CORO1C: variants seen among roughly 807,000 people sequenced by gnomAD.
CORO1C encodes coronin 1C.
Under a neutral mutation model 51.2 loss-of-function variants are expected in CORO1C, and 14 were observed. The ratio of observed to expected loss-of-function variants is 0.27; its 90% CI spans 0.18 to 0.43. The LOEUF is 0.43. CORO1C is among the 20% of genes least tolerant of loss of function. The pLI is 1.00. For synonymous variants in CORO1C, 181 were observed against 210.5 expected (o/e 0.86, Z 1.21); for missense variants, 417 against 607.8 (o/e 0.69, Z 3.30).
intron 3 of CORO1C, among the ~76,000 whole-genome samples, chr12:108,665,227 T>C (rs2033428724): frequency 6.6e-6 from 1 of 152,232 alleles, no homozygotes; most frequent in South Asian, 2.1e-4. Context: ...CATCTTTTCC[T>C]GGATTAAAAG....
rs1383556418 is a variant in CORO1C, at chr12:108,645,801, C to T, written c.*1602G>A. 6.6e-6 allele frequency: 1 copy of T among 152,312 alleles called. No homozygotes were observed. Among genetic ancestry groups the T allele is most frequent in the African/African-American group, 2.4e-5 (1 of 41,440 alleles). 9.4% of individuals were successfully genotyped at this position (152,312 alleles called of 1,614,324 possible). ...ACCAGCACGAGCATGTGCAAGAATT[C>T]CCTTCGTGGTCCCAATGGCACTACA... On this transcript the variant is annotated 3_prime_UTR_variant, in exon 11 of 11. Coordinates refer to ENST00000261401, the MANE Select transcript of CORO1C (RefSeq NM_014325.4).
intron 1 of CORO1C, among the ~76,000 whole-genome samples, chr12:108,722,005 C>T (rs1443926156): frequency 6.6e-6 from 1 of 152,134 alleles, no homozygotes; most frequent in African/African-American, 2.4e-5. Flanking sequence ...CTAAAGCAGG[C>T]ATGGTTTCTT....
At chr12:108,710,816 C>A (rs2035159192) in intron 1 of CORO1C, among the ~76,000 whole-genome samples, 1 of 152,136 alleles carries the variant, frequency 6.6e-6, no homozygotes, top group Non-Finnish European at 1.5e-5. Context: ...CCTGCCTCAG[C>A]CTTCCAAAAT....
At chr12:108,676,813 T>C (rs2033925131) in intron 3 of CORO1C, among the ~76,000 whole-genome samples, 2 of 151,698 alleles carry the variant, frequency 1.3e-5, no homozygotes, top group African/African-American at 4.8e-5. Flanking sequence ...CTAAACGATA[T>C]TCCTTTCTCT....
chr12:108,708,752 G>A (rs969615015), intron 1 of CORO1C, among the ~76,000 whole-genome samples: 5 of 151,980 alleles, frequency 3.3e-5, no homozygotes, highest in African/African-American at 1.2e-4. Context: ...GTGAGCCACC[G>A]TGCTCGGTCT....
intron 7 of CORO1C, 72 bp downstream of exon 7, chr12:108,654,234 T>C: frequency 1.1e-6 from 1 of 952,042 alleles, no homozygotes; most frequent in Non-Finnish European, 1.7e-6. Flanking sequence ...ACATTGCCCG[T>C]CCTCTAAATC....
chr12:108,687,621 C>T (rs1051798158), intron 2 of CORO1C, among the ~76,000 whole-genome samples: 4 of 151,824 alleles, frequency 2.6e-5, no homozygotes, highest in African/African-American at 7.3e-5. Flanking sequence ...TCCATCTTTA[C>T]GAAAATTACA....
intron 1 of CORO1C, chr12:108,702,880 T>C (rs750891789): frequency 7.2e-6 from 11 of 1,535,768 alleles, no homozygotes; most frequent in African/African-American, 4.1e-5. Flanking sequence ...TGGCAGGCAA[T>C]TGAGCATCCA....
At chr12:108,713,354 T>C (rs746265404) in intron 1 of CORO1C, among the ~76,000 whole-genome samples, 5 of 152,310 alleles carry the variant, frequency 3.3e-5, no homozygotes, top group Non-Finnish European at 5.9e-5. Flanking sequence ...CAATTGATTA[T>C]AACACCAGGA....
At chr12:108,702,957 C>G (rs1038259785) in intron 1 of CORO1C, 12 of 1,524,764 alleles carry the variant, frequency 7.9e-6, no homozygotes, top group South Asian at 1.2e-5. Context: ...CATTTTGAGT[C>G]TTTGGTAGAG....
At chr12:108,678,517 C>A (rs1429963459) in intron 2 of CORO1C, 123 bp from the exon 3 acceptor site, 1 of 744,760 alleles carries the variant, frequency 1.3e-6, no homozygotes, top group East Asian at 2.9e-5. Flanking sequence ...GATATGACAT[C>A]GTATAGTCAA....
intron 2 of CORO1C, among the ~76,000 whole-genome samples, chr12:108,681,687 C>T (rs1007499411): frequency 1.3e-5 from 2 of 152,088 alleles, no homozygotes; most frequent in Admixed American, 1.3e-4. Flanking sequence ...CATGGGTAAA[C>T]CCTTGTTCAA....
intron 10 of CORO1C, among the ~76,000 whole-genome samples, chr12:108,647,772 G>A (rs1437647632): frequency 1.3e-5 from 2 of 152,158 alleles, no homozygotes; most frequent in African/African-American, 2.4e-5. Context: ...TTCTGATCCC[G>A]AAGCCTGTGC....
At chr12:108,707,543 CAT>C (rs1306451777) in intron 1 of CORO1C, among the ~76,000 whole-genome samples, 1 of 152,170 alleles carries the variant, frequency 6.6e-6, no homozygotes, top group Admixed American at 6.5e-5. Context: ...GAGAAGAAAA[CAT>C]AGGAGTAAAT....
chr12:108,689,269 T>C (rs575480004), intron 2 of CORO1C, among the ~76,000 whole-genome samples: 2 of 152,336 alleles, frequency 1.3e-5, no homozygotes, highest in Non-Finnish European at 2.9e-5. Flanking sequence ...TGTAACATTA[T>C]GTTAAAGTCG....
chr12:108,716,470 A>G, intron 1 of CORO1C, among the ~76,000 whole-genome samples: 1 of 152,216 alleles, frequency 6.6e-6, no homozygotes, highest in East Asian at 1.9e-4. Flanking sequence ...GAAGAATTTC[A>G]GCCTTCCCTT....
chr12:108,713,181 T>A (rs2035231570), intron 1 of CORO1C, among the ~76,000 whole-genome samples: 2 of 152,188 alleles, frequency 1.3e-5, no homozygotes. Flanking sequence ...CAGCAAAATG[T>A]CAGATACACA....
chr12:108,656,897 G>A (rs1000613643), intron 6 of CORO1C, among the ~76,000 whole-genome samples: 1 of 152,100 alleles, frequency 6.6e-6, no homozygotes. Context: ...AAGTACCCAG[G>A]GACACAAACA....
chr12:108,654,759 G>C (rs978697520), intron 6 of CORO1C, among the ~76,000 whole-genome samples: 33 of 151,380 alleles, frequency 2.2e-4, no homozygotes, highest in African/African-American at 7.5e-4. Flanking sequence ...CTGGAGTGCA[G>C]TAGTGCTATC....
Sources: gnomAD v4.1 joint callset for allele counts (sites outside exome capture counted in the v4.1 genomes callset) on GRCh38, gnomAD v4.1.1 for gene constraint, MANE v1.5 for transcripts, NCBI Gene and HGNC (gene_info 2026-07-23, HGNC 2026-07-21) for gene names.